Variants in TENM3 observed in about 807,000 individuals in gnomAD.
TENM3 encodes teneurin-3.
A neutral mutation model predicts 255.1 loss-of-function variants in TENM3; 63 were observed. The ratio of observed to expected loss-of-function variants is 0.25; its 90% CI spans 0.20 to 0.30. TENM3 has a LOEUF of 0.30. Ranked by LOEUF, TENM3 falls within the 10% of genes least tolerant of loss-of-function variation. The pLI is 1.00. For missense variants in TENM3, 2,929 were observed against 3,461.1 expected (o/e 0.85, Z 3.86); for synonymous variants, 1,306 against 1,322.3 (o/e 0.99, Z 0.27).
chr4:182,606,157 A>T (rs1459719152), intron 4 of TENM3, among the ~76,000 whole-genome samples: 1 of 152,204 alleles, frequency 6.6e-6, no homozygotes, highest in Non-Finnish European at 1.5e-5. Flanking sequence ...AGCTCCTAAA[A>T]TAATACTTAA....
the TENM3 span, among the ~76,000 whole-genome samples, chr4:181,931,049 A>T: frequency 6.6e-6 from 1 of 152,244 alleles, no homozygotes; most frequent in Non-Finnish European, 1.5e-5. Flanking sequence ...ACAAACCCAC[A>T]GCCAATATCA....
chr4:182,574,177 T>C (rs1744692988), intron 3 of TENM3, among the ~76,000 whole-genome samples: 1 of 152,174 alleles, frequency 6.6e-6, no homozygotes, highest in Non-Finnish European at 1.5e-5. Context: ...TTGGTTATGT[T>C]ATTTGTATTC....
chr4:181,622,321 A>G, the TENM3 span, among the ~76,000 whole-genome samples: 1 of 152,136 alleles, frequency 6.6e-6, no homozygotes, highest in Non-Finnish European at 1.5e-5. Context: ...ACTGGCAATC[A>G]ATTAAGCAGT....
At chr4:181,870,895 T>C in the TENM3 span, among the ~76,000 whole-genome samples, 2 of 152,124 alleles carry the variant, frequency 1.3e-5, no homozygotes, top group African/African-American at 4.8e-5. Context: ...TTTGAAAATC[T>C]TTATAGTTTT....
chr4:182,741,596 T>TA (rs1761611697), intron 18 of TENM3, among the ~76,000 whole-genome samples: 1 of 152,234 alleles, frequency 6.6e-6, no homozygotes, highest in East Asian at 1.9e-4. Flanking sequence ...CTGGCTCTTA[T>TA]AGGAAATTAT....
At chr4:182,079,378 C>T in the TENM3 span, among the ~76,000 whole-genome samples, 2 of 151,940 alleles carry the variant, frequency 1.3e-5, no homozygotes, top group East Asian at 3.9e-4. Context: ...TAGCCGGGCG[C>T]AGTGGCGGGT....
At chr4:182,395,733 G>A (rs1338889697) in intron 3 of TENM3, among the ~76,000 whole-genome samples, 1 of 152,114 alleles carries the variant, frequency 6.6e-6, no homozygotes, top group African/African-American at 2.4e-5. Flanking sequence ...AGGACAAAGA[G>A]GTCATTCAGT....
intron 1 of TENM3, among the ~76,000 whole-genome samples, chr4:182,311,085 G>A (rs923587262): frequency 1.3e-5 from 2 of 152,176 alleles, no homozygotes; most frequent in Non-Finnish European, 2.9e-5. Context: ...GAACCACATA[G>A]GATGACAGAC....
the TENM3 span, among the ~76,000 whole-genome samples, chr4:182,033,081 C>A: frequency 2.0e-5 from 3 of 151,354 alleles, no homozygotes; most frequent in Admixed American, 2.0e-4. Flanking sequence ...TTGTCTTCTG[C>A]TAGCTTTGGG....
chr4:181,879,411 G>T, the TENM3 span, among the ~76,000 whole-genome samples: 1 of 152,152 alleles, frequency 6.6e-6, no homozygotes, highest in East Asian at 1.9e-4. Flanking sequence ...CTTCTTAACT[G>T]ATTTTGAGCA....
the TENM3 span, among the ~76,000 whole-genome samples, chr4:181,570,632 GAA>G: frequency 2.7e-5 from 4 of 146,998 alleles, no homozygotes; most frequent in East Asian, 2.0e-4. Context: ...AGAAAGGAAA[GAA>G]AGAGAGAGAG....
the TENM3 span, among the ~76,000 whole-genome samples, chr4:181,740,688 A>AG: frequency 1.9e-5 from 2 of 105,356 alleles, no homozygotes; most frequent in Admixed American, 1.7e-4. Context: ...TCAGCACTGG[A>AG]AAAAAAAAAA....
chr4:182,172,391 T>C (rs575243470), intron 1 of TENM3, among the ~76,000 whole-genome samples: 22 of 152,266 alleles, frequency 1.4e-4, no homozygotes, highest in African/African-American at 5.3e-4. Flanking sequence ...AAAGGAGATA[T>C]TTCATGAAAG....
At chr4:182,390,920 T>C (rs894530249) in intron 3 of TENM3, among the ~76,000 whole-genome samples, 12 of 152,196 alleles carry the variant, frequency 7.9e-5, no homozygotes, top group African/African-American at 2.9e-4. Flanking sequence ...AGGGTTATCC[T>C]GGATGTCCCT....
chr4:181,524,943 A>T, the TENM3 span, among the ~76,000 whole-genome samples: 1 of 152,138 alleles, frequency 6.6e-6, no homozygotes, highest in Non-Finnish European at 1.5e-5. Flanking sequence ...TATGCACATG[A>T]CTCTCACTGG....
the TENM3 span, among the ~76,000 whole-genome samples, chr4:181,521,539 G>A: frequency 6.6e-6 from 1 of 152,102 alleles, no homozygotes; most frequent in Non-Finnish European, 1.5e-5. Context: ...TCTACTGAAG[G>A]ATATAGACTG....
At chr4:182,521,932 C>G (rs1221827200) in intron 3 of TENM3, among the ~76,000 whole-genome samples, 1 of 152,032 alleles carries the variant, frequency 6.6e-6, no homozygotes, top group Non-Finnish European at 1.5e-5. Context: ...AGAAAATAGT[C>G]TTTATTGACT....
At chr4:181,923,718 A>C in the TENM3 span, among the ~76,000 whole-genome samples, 5 of 152,274 alleles carry the variant, frequency 3.3e-5, no homozygotes, top group African/African-American at 1.2e-4. Flanking sequence ...TGAGTGGTTC[A>C]AAAGAAATGA....
At chr4:181,540,574 A>G in the TENM3 span, among the ~76,000 whole-genome samples, 1 of 152,216 alleles carries the variant, frequency 6.6e-6, no homozygotes, top group South Asian at 2.1e-4. Flanking sequence ...TCATGTTGGT[A>G]GCACATGCCC....
Sources: gnomAD v4.1 joint callset for allele counts (sites outside exome capture counted in the v4.1 genomes callset) on GRCh38, gnomAD v4.1.1 for gene constraint, MANE v1.5 for transcripts, NCBI Gene and HGNC (gene_info 2026-07-23, HGNC 2026-07-21) for gene names.